Variants in RABGAP1L observed in about 807,000 individuals in gnomAD.
RABGAP1L encodes the protein RAB GTPase activating protein 1 like.
Under a neutral mutation model 137.7 loss-of-function variants are expected in RABGAP1L, and 63 were observed. That is an observed-to-expected ratio of 0.46 (90% CI 0.37 to 0.56). The LOEUF is 0.56. RABGAP1L is among the 20% of genes least tolerant of loss of function. RABGAP1L has a pLI of 0.00. For missense variants in RABGAP1L, 1,095 were observed against 1,244.0 expected (o/e 0.88, Z 1.80); for synonymous variants, 431 against 433.7 (o/e 0.99, Z 0.08).
At chr1:174,306,246 G>A (rs1558117779) in intron 11 of RABGAP1L, among the ~76,000 whole-genome samples, 1 of 152,184 alleles carries the variant, frequency 6.6e-6, no homozygotes, top group East Asian at 1.9e-4. Context: ...TGTCTTTATA[G>A]CAGCATGATT....
intron 20 of RABGAP1L, among the ~76,000 whole-genome samples, chr1:174,962,206 C>CCCAA (rs397961801): frequency 6.6e-5 from 9 of 135,432 alleles, no homozygotes; most frequent in Non-Finnish European, 1.4e-4. Flanking sequence ...ACCCCCCCCC[C>CCCAA]ACACACACAC....
At chr1:174,173,813 A>C (rs984826942) in intron 1 of RABGAP1L, among the ~76,000 whole-genome samples, 2 of 152,178 alleles carry the variant, frequency 1.3e-5, no homozygotes, top group Admixed American at 6.5e-5. Context: ...AAGGATATGT[A>C]AACTGATCTG....
Position 174,305,693 on chromosome 1 carries a change from AT to A in RABGAP1L, c.1465+572del, listed in dbSNP as rs894446839. On this transcript the variant is annotated intron_variant, in intron 11 of 25. Coordinates refer to ENST00000681986, the MANE Select transcript of RABGAP1L (RefSeq NM_001366446.1). ...GAGCCACTGCACCTGCCCTCAATTA[AT>A]TTTTTAAATTTTTTAGTTGTAATTA... 3.7e-4 allele frequency among the ~76,000 whole-genome samples: 56 copies of A among 150,950 alleles called. 1 individual carries two copies. The highest frequency in any genetic ancestry group is 2.6e-4 in the Admixed American group (4 of 15,168).
chr1:174,376,655 T>A (rs960804787), intron 12 of RABGAP1L, among the ~76,000 whole-genome samples: 2 of 152,022 alleles, frequency 1.3e-5, no homozygotes, highest in Non-Finnish European at 2.9e-5. Flanking sequence ...ATTCTTGATT[T>A]AAAAAAACCA....
At chr1:174,946,952 G>A (rs1210007394) in intron 19 of RABGAP1L, among the ~76,000 whole-genome samples, 47 of 114,014 alleles carry the variant, frequency 4.1e-4, no homozygotes, top group South Asian at 9.0e-4. Flanking sequence ...GTGTGTGTGT[G>A]TGTGTGTGTG....
intron 19 of RABGAP1L, among the ~76,000 whole-genome samples, chr1:174,819,001 G>C (rs1403793316): frequency 1.3e-5 from 2 of 151,838 alleles, no homozygotes; most frequent in East Asian, 3.9e-4. Context: ...TGGGTGACAA[G>C]AGTGAGACCC....
At chr1:174,960,075 C>CT (rs1668949895) in intron 20 of RABGAP1L, among the ~76,000 whole-genome samples, 1 of 152,078 alleles carries the variant, frequency 6.6e-6, no homozygotes, top group African/African-American at 2.4e-5. Flanking sequence ...AGAACTTGCA[C>CT]CAGTTCAGTA....
At chr1:174,283,221 A>G (rs1675730070) in intron 10 of RABGAP1L, among the ~76,000 whole-genome samples, 1 of 151,858 alleles carries the variant, frequency 6.6e-6, no homozygotes, top group Non-Finnish European at 1.5e-5. Flanking sequence ...TAGGCAACAT[A>G]GCAAGACTCA....
intron 13 of RABGAP1L, among the ~76,000 whole-genome samples, chr1:174,618,569 G>A (rs1489230031): frequency 6.6e-6 from 1 of 152,172 alleles, no homozygotes; most frequent in African/African-American, 2.4e-5. Context: ...CAATAGACCT[G>A]CAGCTGAGGG....
At chr1:174,665,423 C>T (rs1002118327) in intron 14 of RABGAP1L, among the ~76,000 whole-genome samples, 7 of 147,986 alleles carry the variant, frequency 4.7e-5, no homozygotes, top group African/African-American at 1.0e-4. Flanking sequence ...TTGTCTGCCT[C>T]GCCTCGCCCC....
intron 13 of RABGAP1L, among the ~76,000 whole-genome samples, chr1:174,630,172 C>G (rs984143671): frequency 4.6e-5 from 7 of 151,218 alleles, no homozygotes; most frequent in Admixed American, 2.0e-4. Context: ...GTCTTTGGCT[C>G]TGTTTATATG....
intron 14 of RABGAP1L, among the ~76,000 whole-genome samples, chr1:174,647,837 G>T (rs1675114037): frequency 6.6e-6 from 1 of 151,960 alleles, no homozygotes; most frequent in Non-Finnish European, 1.5e-5. Flanking sequence ...ATCTGGTCCT[G>T]GGCTTTATTT....
chr1:174,546,783 C>A (rs893585613), intron 13 of RABGAP1L, among the ~76,000 whole-genome samples: 1 of 152,088 alleles, frequency 6.6e-6, no homozygotes, highest in African/African-American at 2.4e-5. Context: ...GTAATCCCAG[C>A]ACTTTGGGAG....
chr1:174,735,578 C>T (rs1208650575), intron 17 of RABGAP1L, among the ~76,000 whole-genome samples: 2 of 122,912 alleles, frequency 1.6e-5, no homozygotes, highest in Admixed American at 9.7e-5. Context: ...CGCCATTGCA[C>T]TCCGGCCTGG....
chr1:174,618,783 G>A (rs979475089), intron 13 of RABGAP1L, among the ~76,000 whole-genome samples: 4 of 152,210 alleles, frequency 2.6e-5, no homozygotes, highest in Non-Finnish European at 2.9e-5. Context: ...GAACTAAGCT[G>A]GATGGAGAAT....
intron 17 of RABGAP1L, among the ~76,000 whole-genome samples, chr1:174,709,340 C>G (rs1346498786): frequency 1.3e-5 from 2 of 152,222 alleles, no homozygotes; most frequent in Non-Finnish European, 2.9e-5. Context: ...GACAGACAGC[C>G]TCCTCAAGTG....
intron 11 of RABGAP1L, among the ~76,000 whole-genome samples, chr1:174,355,564 G>A (rs562379463): frequency 1.8e-4 from 28 of 151,586 alleles, no homozygotes; most frequent in African/African-American, 6.5e-4. Context: ...GTATACATAT[G>A]TAACTAACCT....
chr1:174,957,949 G>A (rs1668745749), intron 20 of RABGAP1L: 2 of 1,574,240 alleles, frequency 1.3e-6, no homozygotes, highest in African/African-American at 1.4e-5. Flanking sequence ...TTCATAAGAA[G>A]CTGAGAGAAA....
intron 11 of RABGAP1L, among the ~76,000 whole-genome samples, chr1:174,353,022 C>T (rs530939302): frequency 2.0e-5 from 3 of 152,156 alleles, no homozygotes; most frequent in Non-Finnish European, 4.4e-5. Context: ...TGTTCTTTAT[C>T]AGACCTGAAG....
Sources: allele counts gnomAD v4.1 joint callset (sites outside exome capture counted in the v4.1 genomes callset), GRCh38; gene constraint gnomAD v4.1.1; transcripts MANE v1.5; gene names NCBI Gene and HGNC (gene_info 2026-07-23, HGNC 2026-07-21).